Variants in ADAMTS5 observed in about 807,000 individuals in gnomAD.
ADAMTS5 encodes the protein ADAM metallopeptidase with thrombospondin type 1 motif 5.
Under a neutral mutation model 81.4 loss-of-function variants are expected in ADAMTS5, and 54 were observed. That is an observed-to-expected ratio of 0.66 (90% CI 0.53 to 0.83). ADAMTS5 has a LOEUF of 0.83. Among genes scored for constraint, ADAMTS5 ranks in the 40% least tolerant of loss-of-function variants. The probability of loss-of-function intolerance (pLI) is 0.00; values close to 1 mark genes in which losing one functional copy is unlikely to be tolerated. For synonymous variants in ADAMTS5, 532 were observed against 508.8 expected (o/e 1.05, Z -0.61); for missense variants, 1,194 against 1,229.9 (o/e 0.97, Z 0.44).
chr21:26,942,643 G>T (rs147912946), intron 3 of ADAMTS5, among the ~76,000 whole-genome samples: 1 of 152,042 alleles, frequency 6.6e-6, no homozygotes, highest in Non-Finnish European at 1.5e-5. Flanking sequence ...TTACTTAGGG[G>T]TCAGAATTTA....
At position 26,929,966 on chromosome 21, in the gene ADAMTS5, C is replaced by T; in HGVS notation, c.2145G>A (p.Lys715=). The T allele has an allele frequency of 6.2e-7, 1 of 1,614,152 alleles. No individual in the cohort carries two copies. Among genetic ancestry groups the T allele is most frequent in the East Asian group, 2.2e-5 (1 of 44,880 alleles). ...ATACTCCGCACTTGTCATACTGCAG[C>T]TTTGAGCCAATGATGCCGTCACAGC... ...RTGCDGIIGS[K]LQYDKCGVCG... is the part of the protein sequence containing the mutation. Residue 715 remains lysine, a synonymous_variant, in exon 7 of 8, where the codon AAG becomes AAA. Transcript: ENST00000284987.
intron 1 of ADAMTS5, among the ~76,000 whole-genome samples, chr21:26,962,336 T>A (rs774439389): frequency 1.6e-4 from 25 of 152,170 alleles, no homozygotes; most frequent in Non-Finnish European, 3.4e-4. Flanking sequence ...TTTCTACTGT[T>A]TGATGGCAGA....
In ADAMTS5 at chr21:26,931,994, G is replaced by A. The variant is rs982187784; in HGVS notation, c.2049+10C>T. ...CGCCTACTGCTTCTGGACAGTTGGT[G>A]TGTAGTTACCTTTGGAGAAAATACC... is the stretch of plus-strand genomic sequence containing the variant. On this transcript the variant is annotated intron_variant, in intron 6 of 7. Transcript: ENST00000284987. 2.5e-6 allele frequency: 4 copies of A among 1,605,478 alleles called. No homozygotes were observed. The highest frequency in any genetic ancestry group is 2.6e-6 in the Non-Finnish European group (3 of 1,175,342).
At chr21:26,965,206 A>G (rs186070269) in intron 1 of ADAMTS5, 82 bp downstream of exon 1, 2 of 1,524,932 alleles carry the variant, frequency 1.3e-6, no homozygotes, top group African/African-American at 1.4e-5. Flanking sequence ...GGTTTGAGGG[A>G]GAAGCAAAGC....
intron 3 of ADAMTS5, among the ~76,000 whole-genome samples, chr21:26,941,474 A>G (rs995331165): frequency 6.6e-6 from 1 of 152,142 alleles, no homozygotes; most frequent in African/African-American, 2.4e-5. Context: ...AATGAAGACA[A>G]TGCTGAAAGC....
At chr21:26,963,732 A>T (rs977018904) in intron 1 of ADAMTS5, among the ~76,000 whole-genome samples, 2 of 142,858 alleles carry the variant, frequency 1.4e-5, no homozygotes, top group Admixed American at 7.6e-5. Flanking sequence ...ACAGAACTTC[A>T]TTTTGCAGAG....
chr21:26,946,916 G>C (rs879120118), intron 2 of ADAMTS5, among the ~76,000 whole-genome samples: 1 of 152,150 alleles, frequency 6.6e-6, no homozygotes, highest in Admixed American at 6.5e-5. Context: ...TGTTGCAAGA[G>C]AAGGGTGGGG....
In ADAMTS5 at chr21:26,965,856, C is replaced by T; in HGVS notation, c.536G>A (p.Gly179Glu). Residue 179 changes from glycine (G) to glutamate (E), a missense_variant, in exon 1 of 8, where the codon GGG (glycine) becomes GAG (glutamate). Coordinates refer to ENST00000284987, the MANE Select transcript of ADAMTS5 (RefSeq NM_007038.5). ...LRGPWAEEEK[G>E]RVYGDGSARI... ...TGCGGACCCATCCCCGTACACGCGC[C>T]CCTTTTCTTCCTCCGCCCAGGGTCC... is the stretch of plus-strand genomic sequence containing the variant. 1 of 1,613,234 alleles carries T rather than the reference C, an allele frequency of 6.2e-7. No homozygotes were observed. Among genetic ancestry groups the T allele is most frequent in the Non-Finnish European group, 8.5e-7 (1 of 1,179,744 alleles).
Position 26,918,580 on chromosome 21 carries a change from A to C in ADAMTS5, c.*5473T>G, listed in dbSNP as rs1441881862. ...CGTAATTGTAGCAAGATGAGCCATCAAGGTTTACGTTGTGCCTGAGTGTAT... is the reference window on the plus strand; with the variant it reads ...CGTAATTGTAGCAAGATGAGCCATCCAGGTTTACGTTGTGCCTGAGTGTAT... On this transcript the variant is annotated 3_prime_UTR_variant, in exon 8 of 8. Coordinates refer to ENST00000284987, the MANE Select transcript of ADAMTS5 (RefSeq NM_007038.5). 1 of 152,066 alleles carries C rather than the reference A, an allele frequency of 6.6e-6. No homozygotes were observed. The highest frequency in any genetic ancestry group is 1.9e-4 in the East Asian group (1 of 5,198). The allele number at this position is 152,066 out of a possible 1,614,324, so 9.4% of individuals were successfully genotyped here. A position where few individuals can be genotyped will look rare whatever the true frequency, so the allele number is the denominator to read the frequency against.
In ADAMTS5 at chr21:26,965,283, C is replaced by G. The variant is rs1398130383; in HGVS notation, c.1104+5G>C. 1 of 1,604,612 alleles carries G rather than the reference C, an allele frequency of 6.2e-7. No homozygotes were observed. The highest frequency in any genetic ancestry group is 8.5e-7 in the Non-Finnish European group (1 of 1,173,082). On this transcript the variant is annotated splice_donor_5th_base_variant and intron_variant, in intron 1 of 7. Coordinates refer to ENST00000284987, the MANE Select transcript of ADAMTS5 (RefSeq NM_007038.5). ...CTGGGACCCCCGCATCCCGGCTGGA[C>G]CTACCTCCCGAGTAAACAGGATAGC...
rs752226589 is a variant in ADAMTS5, at chr21:26,924,033, C to T, written c.*20G>A. 6.4e-7 allele frequency: 1 copy of T among 1,568,632 alleles called. No homozygotes were observed. Among genetic ancestry groups the T allele is most frequent in the East Asian group, 2.3e-5 (1 of 44,124 alleles). On this transcript the variant is annotated 3_prime_UTR_variant, in exon 8 of 8. Coordinates refer to ENST00000284987, the MANE Select transcript of ADAMTS5 (RefSeq NM_007038.5). ...GCTGAATCCTCCAGTTATCTTTGTGCATAAGATCATAACCACAGGCTAACA... is the reference window on the plus strand; with the variant it reads ...GCTGAATCCTCCAGTTATCTTTGTGTATAAGATCATAACCACAGGCTAACA...
rs1171655442 is a variant in ADAMTS5 at position 26,965,286 on chromosome 21, A to G, written c.1104+2T>C. 6.2e-7 allele frequency: 1 copy of G among 1,605,466 alleles called. No homozygotes were observed. The highest frequency in any genetic ancestry group is 8.5e-7 in the Non-Finnish European group (1 of 1,173,618). On this transcript the variant is annotated splice_donor_variant, in intron 1 of 7. Transcript: ENST00000284987. LOFTEE classifies it high-confidence loss of function. Reference sequence around the variant, plus strand: ...GGACCCCCGCATCCCGGCTGGACCTACCTCCCGAGTAAACAGGATAGCTGC... The same window carrying G: ...GGACCCCCGCATCCCGGCTGGACCTGCCTCCCGAGTAAACAGGATAGCTGC...
At chr21:26,956,799 CCTCTT>C (rs903671590) in intron 1 of ADAMTS5, among the ~76,000 whole-genome samples, 2 of 152,190 alleles carry the variant, frequency 1.3e-5, no homozygotes, top group African/African-American at 4.8e-5. Flanking sequence ...AAATGACCCT[CCTCTT>C]CTCGATAGAG....
chr21:26,965,552 C>A lies in ADAMTS5; in HGVS notation c.840G>T (p.Ala280=), dbSNP rs151274956. 1.1e-3 allele frequency: 1,839 copies of A among 1,611,768 alleles called. 8 individuals are homozygous for A. The highest frequency in any genetic ancestry group is 8.1e-4 in the Non-Finnish European group (954 of 1,178,466). ...ELLLVADASM[A]RLYGRGLQHY... ...GCTGCAGGCCCCGGCCATACAACCG[C>A]GCCATGGACGCGTCAGCCACCAGAA... The change falls in exon 1 of 8, where the codon GCG becomes GCT. Residue 280 remains alanine, a synonymous_variant. Transcript: ENST00000284987.
chr21:26,934,826 A>T, intron 3 of ADAMTS5, 77 bp from the exon 4 acceptor site: 1 of 1,557,824 alleles, frequency 6.4e-7, no homozygotes, highest in Non-Finnish European at 8.7e-7. Flanking sequence ...TAAAAATGAA[A>T]TGCCCCGGCT....
rs776072488 is a variant in ADAMTS5, at chr21:26,921,344, A to AT, written c.*2708dup. ...TTCTGATCTAGAAGAAATAAATGTC[A>AT]TTTTTTCTGGCTCCCTTTGTACTTA... On this transcript the variant is annotated 3_prime_UTR_variant, in exon 8 of 8. Coordinates refer to ENST00000284987, the MANE Select transcript of ADAMTS5 (RefSeq NM_007038.5). 2.6e-5 allele frequency: 4 copies of AT among 151,368 alleles called. No homozygotes were observed. The highest frequency in any genetic ancestry group is 2.1e-4 in the South Asian group (1 of 4,812). 9.4% of individuals were successfully genotyped at this position (151,368 alleles called of 1,614,324 possible).
chr21:26,952,422 G>T (rs1044623546), intron 2 of ADAMTS5, among the ~76,000 whole-genome samples: 1 of 152,204 alleles, frequency 6.6e-6, no homozygotes, highest in Non-Finnish European at 1.5e-5. Context: ...CTCTCAGACT[G>T]CTGCATCAGC....
chr21:26,932,237 T>C, intron 5 of ADAMTS5, 58 bp from the exon 6 acceptor site: 1 of 1,545,812 alleles, frequency 6.5e-7, no homozygotes, highest in East Asian at 2.3e-5. Flanking sequence ...AGATATATTC[T>C]TGTGGGTTTA....
At position 26,921,525 on chromosome 21, in the gene ADAMTS5, T is replaced by C. The variant is rs1022207723; in HGVS notation, c.*2528A>G. On this transcript the variant is annotated 3_prime_UTR_variant, in exon 8 of 8. Coordinates refer to ENST00000284987, the MANE Select transcript of ADAMTS5 (RefSeq NM_007038.5). ...TTTTAAAAAATTCAAGATGCAACAA[T>C]GGAAAGGTGAAAGACAGTACGAAGT... The C allele has an allele frequency of 6.6e-6, 1 of 150,872 alleles. No homozygotes were observed. The highest frequency in any genetic ancestry group is 2.4e-5 in the African/African-American group (1 of 40,990). The allele number at this position is 150,872 out of a possible 1,614,324, so 9.3% of individuals were successfully genotyped here. A position where few individuals can be genotyped will look rare whatever the true frequency, so the allele number is the denominator to read the frequency against.
Sources: gnomAD v4.1 joint callset for allele counts (sites outside exome capture counted in the v4.1 genomes callset) on GRCh38, gnomAD v4.1.1 for gene constraint, MANE v1.5 for transcripts, NCBI Gene and HGNC (gene_info 2026-07-23, HGNC 2026-07-21) for gene names.